The following MCUB variants were observed in gnomAD, a reference collection of about 807,000 sequenced individuals.
MCUB encodes calcium uniporter regulatory subunit MCUb, mitochondrial.
In MCUB, 46 loss-of-function variants were observed where a neutral mutation model predicts 41.4. That is an observed-to-expected ratio of 1.11 (90% confidence interval 0.88 to 1.42). The LOEUF is 1.42. Among genes scored for constraint, MCUB ranks in the 40% most tolerant of loss-of-function variants. The pLI is 0.00. For synonymous variants in MCUB, 148 were observed against 148.2 expected (o/e 1.00, Z 0.01); for missense variants, 403 against 404.9 (o/e 1.00, Z 0.04).
chr4:109,653,515 G>C (rs781209238), intron 1 of MCUB, among the ~76,000 whole-genome samples: 2 of 152,182 alleles, frequency 1.3e-5, no homozygotes, highest in Non-Finnish European at 2.9e-5. Flanking sequence ...TTGCACCTAG[G>C]AGAGTTATTG....
intron 4 of MCUB, among the ~76,000 whole-genome samples, chr4:109,667,707 A>T (rs554840354): frequency 2.0e-5 from 3 of 148,982 alleles, no homozygotes; most frequent in East Asian, 4.0e-4. Context: ...TTTTCATTTC[A>T]TTTGCTCCTC....
At chr4:109,580,952 G>C (rs1200073029) in intron 1 of MCUB, among the ~76,000 whole-genome samples, 1 of 152,126 alleles carries the variant, frequency 6.6e-6, no homozygotes, top group African/African-American at 2.4e-5. Context: ...TGGCCATACT[G>C]CCCAAGGTAA....
intron 1 of MCUB, among the ~76,000 whole-genome samples, chr4:109,570,470 A>G (rs1262664529): frequency 6.6e-6 from 1 of 152,274 alleles, no homozygotes; most frequent in African/African-American, 2.4e-5. Flanking sequence ...TCCAAATAGT[A>G]AACATTTTCA....
At chr4:109,649,004 A>G (rs1728901861) in intron 1 of MCUB, among the ~76,000 whole-genome samples, 1 of 151,982 alleles carries the variant, frequency 6.6e-6, no homozygotes, top group Non-Finnish European at 1.5e-5. Context: ...TTATGCATAT[A>G]TTTTACCAAT....
chr4:109,622,681 G>A (rs1462052542), intron 1 of MCUB, among the ~76,000 whole-genome samples: 1 of 152,164 alleles, frequency 6.6e-6, no homozygotes, highest in Non-Finnish European at 1.5e-5. Context: ...GCCTCCATGG[G>A]TGTGCCCACA....
At chr4:109,662,381 A>G (rs1376426594) in intron 3 of MCUB, among the ~76,000 whole-genome samples, 1 of 152,240 alleles carries the variant, frequency 6.6e-6, no homozygotes, top group Non-Finnish European at 1.5e-5. Context: ...GCCTGCACTG[A>G]GCAGCACTTG....
chr4:109,608,081 T>A (rs78883899), intron 1 of MCUB, among the ~76,000 whole-genome samples: 1,910 of 152,240 alleles, frequency 0.013, 36 homozygotes, highest in African/African-American at 0.038. Flanking sequence ...TTTTTAAAAT[T>A]CTCTTTTCTC....
chr4:109,636,566 G>A (rs1380993183), intron 1 of MCUB, among the ~76,000 whole-genome samples: 2 of 152,198 alleles, frequency 1.3e-5, no homozygotes, highest in Non-Finnish European at 2.9e-5. Context: ...CGGGCACAGT[G>A]GCTCACACCC....
chr4:109,629,656 TCTA>T (rs1728432591), intron 1 of MCUB, among the ~76,000 whole-genome samples: 2 of 152,146 alleles, frequency 1.3e-5, no homozygotes, highest in South Asian at 4.1e-4. Flanking sequence ...AGGAAACACA[TCTA>T]CTCGTTTACT....
intron 1 of MCUB, among the ~76,000 whole-genome samples, chr4:109,605,179 A>G (rs929410464): frequency 6.6e-6 from 1 of 152,066 alleles, no homozygotes; most frequent in East Asian, 1.9e-4. Context: ...CTGGGAGGCT[A>G]TTACAGCTTC....
chr4:109,685,315 A>G lies in MCUB; in HGVS notation c.881A>G (p.Gln294Arg). ...FLQFFHKKSK[Q>R]QHFDVQQYNK... is the part of the protein sequence containing the mutation. Reference sequence around the variant, plus strand: ...CAGTTCTTCCACAAGAAATCAAAGCAACAGCACTTTGATGTGCAGCAATAC... The same window carrying G: ...CAGTTCTTCCACAAGAAATCAAAGCGACAGCACTTTGATGTGCAGCAATAC... The change falls in exon 7 of 8, where the codon CAA becomes CGA. Residue 294 changes from glutamine to arginine, a missense_variant. Gln to Arg is a conservative substitution (Grantham distance 43, BLOSUM62 1). Coordinates refer to ENST00000394650, the MANE Select transcript of MCUB (RefSeq NM_017918.5). 6.3e-7 allele frequency: 1 copy of G among 1,594,046 alleles called. No homozygotes were observed. The highest frequency in any genetic ancestry group is 8.6e-7 in the Non-Finnish European group (1 of 1,162,152).
At chr4:109,576,921 G>A (rs1422368089) in intron 1 of MCUB, among the ~76,000 whole-genome samples, 6 of 151,972 alleles carry the variant, frequency 3.9e-5, no homozygotes, top group African/African-American at 1.5e-4. Context: ...GCGCAATCTC[G>A]CCTCACTGCA....
In MCUB at chr4:109,587,713, G is replaced by A. The variant is rs57633258; in HGVS notation, c.99+27277G>A. Among the ~76,000 whole-genome samples the A allele has an allele frequency of 3.5e-3, 535 of 151,976 alleles. 6 individuals carry two copies. Among genetic ancestry groups the A allele is most frequent in the East Asian group, 0.013 (69 of 5,150 alleles). On this transcript the variant is annotated intron_variant, in intron 1 of 7. Transcript: ENST00000394650. Reference sequence around the variant, plus strand: ...GATTTTAGTAAGAAACAATCATAAAGTAACATTTATAAAACTGTTTTAAGT... The same window carrying A: ...GATTTTAGTAAGAAACAATCATAAAATAACATTTATAAAACTGTTTTAAGT...
intron 1 of MCUB, among the ~76,000 whole-genome samples, chr4:109,586,018 T>A (rs968789728): frequency 6.6e-5 from 10 of 152,236 alleles, no homozygotes; most frequent in Non-Finnish European, 1.0e-4. Context: ...GAAGTTCTCC[T>A]GGATAATATC....
chr4:109,575,876 C>G (rs1004115322), intron 1 of MCUB, among the ~76,000 whole-genome samples: 1 of 152,138 alleles, frequency 6.6e-6, no homozygotes, highest in African/African-American at 2.4e-5. Context: ...GTAGTCTGTG[C>G]TAGTCACACT....
At chr4:109,666,822 A>G (rs927298376) in intron 4 of MCUB, among the ~76,000 whole-genome samples, 3 of 152,058 alleles carry the variant, frequency 2.0e-5, no homozygotes, top group Admixed American at 2.0e-4. Context: ...AATTTTGTCA[A>G]ATCTTTTTCT....
chr4:109,610,277 GA>G (rs1727977597), intron 1 of MCUB, among the ~76,000 whole-genome samples: 1 of 152,204 alleles, frequency 6.6e-6, no homozygotes, highest in African/African-American at 2.4e-5. Flanking sequence ...CCATGTGGCC[GA>G]ACTGGTACCT....
At chr4:109,588,189 G>T (rs953285462) in intron 1 of MCUB, among the ~76,000 whole-genome samples, 1 of 152,180 alleles carries the variant, frequency 6.6e-6, no homozygotes, top group Admixed American at 6.5e-5. Context: ...GTAGGATTGT[G>T]GCTGAACTGA....
intron 1 of MCUB, among the ~76,000 whole-genome samples, chr4:109,630,491 T>C (rs1429337452): frequency 6.6e-6 from 1 of 151,802 alleles, no homozygotes; most frequent in Admixed American, 6.6e-5. Context: ...ATTATCTAAA[T>C]TTTTTTTTCT....
Sources: allele counts gnomAD v4.1 joint callset (sites outside exome capture counted in the v4.1 genomes callset), GRCh38; gene constraint gnomAD v4.1.1; transcripts MANE v1.5; gene names NCBI Gene and HGNC (gene_info 2026-07-23, HGNC 2026-07-21).